DSCAML1: variants seen among roughly 807,000 people sequenced by gnomAD.
DSCAML1 encodes cell adhesion molecule DSCAML1.
A neutral mutation model predicts 200.5 loss-of-function variants in DSCAML1; 38 were observed. The observed-to-expected ratio is 0.19, with a 90% CI of 0.15 to 0.25. The LOEUF (loss-of-function observed/expected upper bound fraction) is 0.25, where lower values mean the gene tolerates loss of function less well. Among genes scored for constraint, DSCAML1 ranks in the 10% least tolerant of loss-of-function variants. The pLI, the probability that DSCAML1 is intolerant of heterozygous loss-of-function variation, is 1.00. For synonymous variants in DSCAML1, 1,215 were observed against 1,165.0 expected (o/e 1.04, Z -0.87); for missense variants, 2,223 against 2,858.8 (o/e 0.78, Z 5.07).
chr11:117,730,014 C>T (rs951971273), intron 3 of DSCAML1, among the ~76,000 whole-genome samples: 3 of 152,200 alleles, frequency 2.0e-5, no homozygotes, highest in Admixed American at 6.5e-5. Context: ...TCCTGGCCAA[C>T]ATGGTGAAAC....
At chr11:117,482,218 G>T in intron 11 of DSCAML1, 56 bp from the exon 12 acceptor site, 1 of 1,596,224 alleles carries the variant, frequency 6.3e-7, no homozygotes, top group South Asian at 1.1e-5. Flanking sequence ...GCCTGGAGGA[G>T]GCACGCGTGC....
intron 3 of DSCAML1, among the ~76,000 whole-genome samples, chr11:117,677,643 G>A (rs981664560): frequency 6.6e-6 from 1 of 152,114 alleles, no homozygotes; most frequent in Middle Eastern, 3.2e-3. Flanking sequence ...CTTACCAAGG[G>A]GCAAGTAGAC....
At chr11:117,769,140 T>C (rs1437845559) in intron 3 of DSCAML1, among the ~76,000 whole-genome samples, 1 of 109,426 alleles carries the variant, frequency 9.1e-6, no homozygotes, top group African/African-American at 3.5e-5. Context: ...GTATATTATA[T>C]ATTATATATA....
intron 3 of DSCAML1, among the ~76,000 whole-genome samples, chr11:117,692,106 T>C (rs2137721785): frequency 6.6e-6 from 1 of 152,242 alleles, no homozygotes; most frequent in East Asian, 1.9e-4. Flanking sequence ...CTTCACACCT[T>C]GGTGCAGAGG....
intron 3 of DSCAML1, among the ~76,000 whole-genome samples, chr11:117,602,839 C>T (rs2051489935): frequency 6.6e-6 from 1 of 152,090 alleles, no homozygotes; most frequent in Non-Finnish European, 1.5e-5. Flanking sequence ...TGGCTCACGC[C>T]TGTAAGCCCA....
In DSCAML1 at chr11:117,780,413, G is replaced by C; in HGVS notation, c.364+80C>G. ...ACTGTTCTTGAGTGAACGACTTCTT[G>C]CAAGCCCCTCCGAATATCCTCAGAA... On this transcript the variant is annotated intron_variant, in intron 2 of 32. Transcript: ENST00000651296. This position sits in a 1 kb window ranked among gnomAD's most constrained non-coding sequence, Gnocchi z 4.8. The C allele has an allele frequency of 7.8e-7, 1 of 1,283,456 alleles. No individual in the cohort carries two copies. The highest frequency in any genetic ancestry group is 1.0e-6 in the Non-Finnish European group (1 of 978,592). 79.5% of individuals were successfully genotyped at this position (1,283,456 alleles called of 1,614,324 possible). A position where few individuals can be genotyped will look rare whatever the true frequency, so the allele number is the denominator to read the frequency against.
intron 20 of DSCAML1, among the ~76,000 whole-genome samples, chr11:117,448,625 G>A (rs2048225674): frequency 8.3e-6 from 1 of 120,240 alleles, no homozygotes; most frequent in East Asian, 2.6e-4. Flanking sequence ...AGCCTAGAAT[G>A]TGTGTGTGTG....
chr11:117,601,712 A>C (rs527843141), intron 3 of DSCAML1, among the ~76,000 whole-genome samples: 1 of 152,366 alleles, frequency 6.6e-6, no homozygotes, highest in South Asian at 2.1e-4. Flanking sequence ...GAAGTGAACG[A>C]GAGAAACATG....
At chr11:117,488,239 C>T (rs1421935464) in intron 11 of DSCAML1, among the ~76,000 whole-genome samples, 1 of 152,166 alleles carries the variant, frequency 6.6e-6, no homozygotes, top group Non-Finnish European at 1.5e-5. Flanking sequence ...GGAGCTTTGG[C>T]CCTCCTGGCT....
intron 3 of DSCAML1, among the ~76,000 whole-genome samples, chr11:117,542,462 A>G (rs2050290900): frequency 6.6e-6 from 1 of 152,140 alleles, no homozygotes; most frequent in African/African-American, 2.4e-5. Flanking sequence ...GGGGAGCTCA[A>G]TCTCTTACAC....
At chr11:117,581,097 C>T (rs540502253) in intron 3 of DSCAML1, among the ~76,000 whole-genome samples, 42 of 152,288 alleles carry the variant, frequency 2.8e-4, no homozygotes, top group African/African-American at 8.4e-4. Context: ...GTCACTGAGC[C>T]GAAGCCTCCT....
At chr11:117,815,739 G>A (rs1359306655) in intron 1 of DSCAML1, among the ~76,000 whole-genome samples, 3 of 151,788 alleles carry the variant, frequency 2.0e-5, no homozygotes, top group Admixed American at 6.5e-5. Flanking sequence ...ACTGTTCCAG[G>A]ACTGTTCCTG....
chr11:117,513,314 C>T (rs572166655), intron 8 of DSCAML1, among the ~76,000 whole-genome samples: 2 of 152,284 alleles, frequency 1.3e-5, no homozygotes, highest in African/African-American at 4.8e-5. Context: ...AGAAAGTGGC[C>T]AGGATGCCCT....
chr11:117,730,447 C>T (rs918291186), intron 3 of DSCAML1, among the ~76,000 whole-genome samples: 4 of 152,184 alleles, frequency 2.6e-5, no homozygotes, highest in African/African-American at 4.8e-5. Flanking sequence ...TTCTGACCTC[C>T]GGAACTGTGT....
At chr11:117,553,094 G>A (rs1353996216) in intron 3 of DSCAML1, among the ~76,000 whole-genome samples, 1 of 152,178 alleles carries the variant, frequency 6.6e-6, no homozygotes, top group Non-Finnish European at 1.5e-5. Flanking sequence ...AAGGGCTTCC[G>A]AGAAAGCATT....
rs1484500272 is a variant in DSCAML1, at chr11:117,428,364, C to G, written c.6126G>C (p.Gly2042=). 1.3e-6 allele frequency: 2 copies of G among 1,586,792 alleles called. No individual in the cohort carries two copies. The highest frequency in any genetic ancestry group is 1.4e-5 in the African/African-American group (1 of 73,226). ...TGTAGGATTTGGAGTAGGCCCCGGC[C>G]CCCTGCTTCTGAGACCTCCCTACCC... ...TSGVGRSQKQ[G]AGAYSKSYTL... Residue 2042 remains glycine (G), a synonymous_variant, in exon 33 of 33, where the codon GGG becomes GGC. Coordinates refer to ENST00000651296, the MANE Select transcript of DSCAML1 (RefSeq NM_020693.4).
At chr11:117,621,883 T>C (rs532297936) in intron 3 of DSCAML1, among the ~76,000 whole-genome samples, 1 of 152,350 alleles carries the variant, frequency 6.6e-6, no homozygotes, top group South Asian at 2.1e-4. Context: ...GGGCCTCAGT[T>C]TTCTGATTGA....
chr11:117,663,638 A>C (rs630024), intron 3 of DSCAML1, among the ~76,000 whole-genome samples: 104,576 of 151,634 alleles, frequency 0.69, 36,644 homozygotes, highest in African/African-American at 0.8. Flanking sequence ...CCAGGCCAGA[A>C]CTTCCCCTCC....
chr11:117,487,985 T>G (rs1193416262), intron 11 of DSCAML1, among the ~76,000 whole-genome samples: 1 of 152,146 alleles, frequency 6.6e-6, no homozygotes, highest in African/African-American at 2.4e-5. Flanking sequence ...TGCCCGGGTC[T>G]CAGGAGAGGG....
Sources: allele counts gnomAD v4.1 joint callset (sites outside exome capture counted in the v4.1 genomes callset), GRCh38; gene constraint gnomAD v4.1.1; non-coding constraint Gnocchi (gnomAD v3.1); transcripts MANE v1.5; gene names NCBI Gene and HGNC (gene_info 2026-07-23, HGNC 2026-07-21).